The following LGR6 variants were observed in gnomAD, a reference collection of about 807,000 sequenced individuals.
The protein encoded by LGR6 is leucine-rich repeat-containing G protein-coupled receptor 6.
A neutral mutation model predicts 69.4 loss-of-function variants in LGR6; 45 were observed. The observed-to-expected ratio is 0.65, with a 90% CI of 0.51 to 0.83. The LOEUF is 0.83. LGR6 is among the 40% of genes least tolerant of loss of function. The pLI, the probability that LGR6 is intolerant of heterozygous loss-of-function variation, is 0.00. For synonymous variants in LGR6, 538 were observed against 555.0 expected (o/e 0.97, Z 0.43); for missense variants, 1,108 against 1,246.7 (o/e 0.89, Z 1.68).
intron 3 of LGR6, among the ~76,000 whole-genome samples, chr1:202,228,517 T>C (rs915399504): frequency 1.3e-5 from 2 of 152,244 alleles, no homozygotes; most frequent in African/African-American, 4.8e-5. Context: ...TCCCTGCTCC[T>C]CCTTTACCTA....
At chr1:202,205,988 A>ACACACACACACACACACC (rs1383935990) in intron 1 of LGR6, among the ~76,000 whole-genome samples, 2 of 149,440 alleles carry the variant, frequency 1.3e-5, no homozygotes, top group African/African-American at 4.9e-5. Flanking sequence ...ACACACACAC[A>ACACACACACACACACACC]CCCCTAGTAT....
chr1:202,252,805 C>T (rs1470195343), intron 4 of LGR6, among the ~76,000 whole-genome samples: 1 of 152,212 alleles, frequency 6.6e-6, no homozygotes, highest in African/African-American at 2.4e-5. Context: ...CCTTTCTCTC[C>T]CTGACAAGAG....
intron 4 of LGR6, among the ~76,000 whole-genome samples, chr1:202,249,194 C>T (rs1019288256): frequency 1.3e-5 from 2 of 152,180 alleles, no homozygotes; most frequent in African/African-American, 4.8e-5. Context: ...CATTCTTACC[C>T]TTCTGATAAG....
Position 202,236,533 on chromosome 1 carries a change from C to G in LGR6, c.428+540C>G, listed in dbSNP as rs938603807. Among the ~76,000 whole-genome samples the G allele has an allele frequency of 3.9e-5, 6 of 152,306 alleles. No homozygotes were observed. In the South Asian group the frequency reaches 1.0e-3, roughly 26 times the overall value. On this transcript the variant is annotated intron_variant, in intron 4 of 17. Coordinates refer to ENST00000367278, the MANE Select transcript of LGR6 (RefSeq NM_001017403.2). ...GCCCTGTAGTTCCCTTCTTGTCCAG[C>G]AGGGGCATCGTGGAAGCCAGACCCA...
At chr1:202,204,708 CA>C (rs1659030552) in intron 1 of LGR6, among the ~76,000 whole-genome samples, 1 of 141,494 alleles carries the variant, frequency 7.1e-6, no homozygotes, top group Non-Finnish European at 1.5e-5. Context: ...CACACACACA[CA>C]CCTAACACAC....
At chr1:202,239,441 G>A (rs974684794) in intron 4 of LGR6, among the ~76,000 whole-genome samples, 1 of 151,712 alleles carries the variant, frequency 6.6e-6, no homozygotes, top group African/African-American at 2.4e-5. Flanking sequence ...GGAGTTAGAC[G>A]TGGTCATACC....
At chr1:202,300,152 CT>C (rs1667475780) in intron 7 of LGR6, among the ~76,000 whole-genome samples, 1 of 152,238 alleles carries the variant, frequency 6.6e-6, no homozygotes, top group Non-Finnish European at 1.5e-5. Flanking sequence ...CTGTATCTTC[CT>C]TTTCCTCTCA....
At chr1:202,244,270 C>CT (rs1206827095) in intron 4 of LGR6, among the ~76,000 whole-genome samples, 1 of 152,158 alleles carries the variant, frequency 6.6e-6, no homozygotes, top group East Asian at 1.9e-4. Context: ...TCACCTGTGT[C>CT]TTAACAAGCC....
At chr1:202,205,927 TACAC>T (rs1271928633) in intron 1 of LGR6, among the ~76,000 whole-genome samples, 46 of 134,990 alleles carry the variant, frequency 3.4e-4, no homozygotes, top group East Asian at 1.2e-3. Flanking sequence ...CCTTCAAACA[TACAC>T]ACACATCCTT....
chr1:202,229,172 T>C (rs1043965929), intron 3 of LGR6, among the ~76,000 whole-genome samples: 8 of 152,168 alleles, frequency 5.3e-5, no homozygotes, highest in Non-Finnish European at 8.8e-5. Context: ...CTTTCTCCTT[T>C]CCCTGTGTTG....
intron 16 of LGR6, among the ~76,000 whole-genome samples, chr1:202,310,862 C>A (rs1268852712): frequency 6.6e-6 from 1 of 152,088 alleles, no homozygotes; most frequent in Admixed American, 6.5e-5. Flanking sequence ...CAAGTCCATC[C>A]TGCACCTCCA....
chr1:202,319,494 G>T lies in LGR6; in HGVS notation c.*287G>T. The T allele has an allele frequency of 2.7e-6, 1 of 375,662 alleles. No homozygotes were observed. Among genetic ancestry groups the T allele is most frequent in the South Asian group, 5.6e-5 (1 of 17,800 alleles). 23.3% of individuals were successfully genotyped at this position (375,662 alleles called of 1,614,324 possible). On this transcript the variant is annotated 3_prime_UTR_variant, in exon 18 of 18. Coordinates refer to ENST00000367278, the MANE Select transcript of LGR6 (RefSeq NM_001017403.2). The stretch of plus-strand genomic sequence containing the variant: ...GACCTGGACTTTTGTCTGCTTAAGG[G>T]AAATGAGGGAAGTAAAGACAGTGAA...
At chr1:202,221,625 A>G (rs376974386) in intron 1 of LGR6, among the ~76,000 whole-genome samples, 6 of 151,992 alleles carry the variant, frequency 3.9e-5, no homozygotes, top group African/African-American at 2.4e-5. Context: ...CATCATCTCA[A>G]TCCCCTTGCT....
At chr1:202,270,959 T>C (rs1236224419) in intron 4 of LGR6, among the ~76,000 whole-genome samples, 2 of 152,146 alleles carry the variant, frequency 1.3e-5, no homozygotes, top group Non-Finnish European at 2.9e-5. Context: ...CAGGTTAAGC[T>C]GTTTCCCCAG....
At position 202,301,161 on chromosome 1, in the gene LGR6, C is replaced by T. The variant is rs1667560895; in HGVS notation, c.858-3C>T. 21 of 1,614,068 alleles carry T rather than the reference C, an allele frequency of 1.3e-5. No individual in the cohort carries two copies. Among genetic ancestry groups the T allele is most frequent in the Non-Finnish European group, 1.7e-5 (20 of 1,179,928 alleles). Reference sequence around the variant, plus strand: ...ATTAGGTGTTTGGACCTTCTTCTTCCAGACACTTTTATGATAACCCAATCC... The same window carrying T: ...ATTAGGTGTTTGGACCTTCTTCTTCTAGACACTTTTATGATAACCCAATCC... On this transcript the variant is annotated splice_polypyrimidine_tract_variant and splice_region_variant and intron_variant, in intron 8 of 17. Transcript: ENST00000367278.
chr1:202,205,381 T>TAACACACACCTCTACACACACACACCTAA (rs201401636), intron 1 of LGR6, among the ~76,000 whole-genome samples: 1 of 3,244 alleles, frequency 3.1e-4, no homozygotes, highest in Non-Finnish European at 6.0e-4. Context: ...CACACACACC[T>TAACACACACCTCTACACACACACACCTAA]CACACACCTC....
At chr1:202,218,776 CTGAG>C (rs1659952554) in intron 1 of LGR6, among the ~76,000 whole-genome samples, 1 of 152,208 alleles carries the variant, frequency 6.6e-6, no homozygotes, top group African/African-American at 2.4e-5. Context: ...ACCCTCTCTC[CTGAG>C]TGTCTGTTGT....
Position 202,301,170 on chromosome 1 carries a change from T to G in LGR6, c.864T>G (p.Phe288Leu), listed in dbSNP as rs771101043. Residue 288 changes from phenylalanine (F) to leucine (L), a missense_variant, in exon 9 of 18, where the codon TTT becomes TTG. Coordinates refer to ENST00000367278, the MANE Select transcript of LGR6 (RefSeq NM_001017403.2). Reference sequence around the variant, plus strand: ...TTGGACCTTCTTCTTCCAGACACTTTTATGATAACCCAATCCAGTTTGTGG... The same window carrying G: ...TTGGACCTTCTTCTTCCAGACACTTGTATGATAACCCAATCCAGTTTGTGG... ...MGNPLLQTIH[F>L]YDNPIQFVGR... The G allele has an allele frequency of 1.2e-6, 2 of 1,614,206 alleles. No homozygotes were observed. Among genetic ancestry groups the G allele is most frequent in the South Asian group, 2.2e-5 (2 of 91,088 alleles).
In LGR6 at chr1:202,268,122, CTG is replaced by C. The variant is rs2148130022; in HGVS notation, c.429-8178_429-8177del. 1.3e-5 allele frequency among the ~76,000 whole-genome samples: 2 copies of C among 152,346 alleles called. No individual in the cohort carries two copies. The highest frequency in any genetic ancestry group is 4.1e-4 in the South Asian group (2 of 4,826). ...TTGGTGGAGTCTGTGGGTACAGATT[CTG>C]TGTGTTCCCCAGTCGAGCAAGCCCT... On this transcript the variant is annotated intron_variant, in intron 4 of 17. Transcript: ENST00000367278. This position sits in a 1 kb window ranked among gnomAD's most constrained non-coding sequence, Gnocchi z 4.4.
Sources: gnomAD v4.1 joint callset for allele counts (sites outside exome capture counted in the v4.1 genomes callset) on GRCh38, gnomAD v4.1.1 for gene constraint, Gnocchi (gnomAD v3.1) non-coding constraint, MANE v1.5 for transcripts, NCBI Gene and HGNC (gene_info 2026-07-23, HGNC 2026-07-21) for gene names.